DCAF6: variants seen among roughly 807,000 people sequenced by gnomAD.
DCAF6 encodes DDB1- and CUL4-associated factor 6.
Under a neutral mutation model 125.1 loss-of-function variants are expected in DCAF6, and 54 were observed. The ratio of observed to expected loss-of-function variants is 0.43; its 90% CI spans 0.35 to 0.54. The LOEUF is 0.54. DCAF6 is among the 20% of genes least tolerant of loss of function. The pLI is 0.01. For synonymous variants in DCAF6, 371 were observed against 390.4 expected (o/e 0.95, Z 0.58); for missense variants, 934 against 1,161.7 (o/e 0.80, Z 2.85).
chr1:167,890,873 T>A, the DCAF6 span, among the ~76,000 whole-genome samples: 30 of 152,316 alleles, frequency 2.0e-4, no homozygotes, highest in African/African-American at 6.7e-4. Flanking sequence ...TATGGAGAAG[T>A]AACACAGCTT....
chr1:167,939,816 T>C (rs1671957045), intron 1 of DCAF6, among the ~76,000 whole-genome samples: 1 of 152,210 alleles, frequency 6.6e-6, no homozygotes, highest in African/African-American at 2.4e-5. Context: ...GCCTTCCTTT[T>C]AAAAGTCAAA....
chr1:167,871,795 C>G, the DCAF6 span, among the ~76,000 whole-genome samples: 1 of 151,988 alleles, frequency 6.6e-6, no homozygotes, highest in African/African-American at 2.4e-5. Context: ...AACTACTTAG[C>G]AGACTGTATT....
chr1:167,866,939 A>G, the DCAF6 span, among the ~76,000 whole-genome samples: 4 of 152,186 alleles, frequency 2.6e-5, no homozygotes, highest in East Asian at 7.7e-4. Context: ...AGAAGCAGAT[A>G]AGCTAACTCT....
At chr1:167,896,475 GGT>G in the DCAF6 span, 3 of 826,168 alleles carry the variant, frequency 3.6e-6, no homozygotes, top group Non-Finnish European at 6.4e-6. Context: ...TTTGTGTGCT[GGT>G]AAGGACCAGG....
At chr1:168,039,909 T>G (rs1278174850) in intron 13 of DCAF6, among the ~76,000 whole-genome samples, 1 of 151,894 alleles carries the variant, frequency 6.6e-6, no homozygotes, top group Admixed American at 6.6e-5. Context: ...ATTGGATATC[T>G]TCTATGTTCC....
intron 5 of DCAF6, among the ~76,000 whole-genome samples, chr1:167,990,141 G>A (rs7531376): frequency 0.14 from 21,031 of 152,074 alleles, 1,929 homozygotes; most frequent in African/African-American, 0.26. Context: ...TTTAATAGCA[G>A]TGATTACAAT....
the DCAF6 span, among the ~76,000 whole-genome samples, chr1:167,912,950 C>T: frequency 6.6e-6 from 1 of 152,118 alleles, no homozygotes; most frequent in African/African-American, 2.4e-5. Flanking sequence ...CTTGAAAGTC[C>T]CTGTTGTTTC....
chr1:167,901,887 T>G, the DCAF6 span: 23 of 1,604,524 alleles, frequency 1.4e-5, no homozygotes, highest in Non-Finnish European at 2.0e-5. Context: ...AGAAACTTAC[T>G]CATCAAGCAT....
At chr1:167,912,783 C>T in the DCAF6 span, among the ~76,000 whole-genome samples, 2 of 152,208 alleles carry the variant, frequency 1.3e-5, no homozygotes, top group Non-Finnish European at 2.9e-5. Flanking sequence ...TGGTGTTCCT[C>T]CACTCATCGG....
At chr1:167,910,010 T>C in the DCAF6 span, among the ~76,000 whole-genome samples, 1 of 152,220 alleles carries the variant, frequency 6.6e-6, no homozygotes, top group Non-Finnish European at 1.5e-5. Context: ...CAATCTATTA[T>C]GACCCTTTCA....
At chr1:167,977,323 C>CT (rs904047083) in intron 4 of DCAF6, among the ~76,000 whole-genome samples, 25 of 134,960 alleles carry the variant, frequency 1.9e-4, no homozygotes, top group South Asian at 1.6e-3. Flanking sequence ...TGAAAAATGT[C>CT]TTTTTTTTTT....
intron 6 of DCAF6, 84 bp from the exon 7 acceptor site, chr1:167,993,140 CAT>C (rs1472061324): frequency 6.2e-6 from 7 of 1,130,996 alleles, no homozygotes; most frequent in Admixed American, 5.2e-5. Context: ...CATTAAGTCA[CAT>C]GTAATAATTC....
chr1:168,074,362 A>G (rs1693545739), intron 21 of DCAF6, among the ~76,000 whole-genome samples: 1 of 152,120 alleles, frequency 6.6e-6, no homozygotes, highest in South Asian at 2.1e-4. Context: ...CTATGTGGAA[A>G]TGTTTCTGGG....
intron 21 of DCAF6, among the ~76,000 whole-genome samples, chr1:168,074,564 C>T (rs1250537449): frequency 6.6e-6 from 1 of 152,140 alleles, no homozygotes; most frequent in African/African-American, 2.4e-5. Flanking sequence ...CCTCCAGGAA[C>T]TCTCAATCTG....
intron 7 of DCAF6, among the ~76,000 whole-genome samples, chr1:168,001,931 A>G (rs1402664951): frequency 6.6e-6 from 1 of 152,170 alleles, no homozygotes; most frequent in Non-Finnish European, 1.5e-5. Context: ...GTAGGAGGAA[A>G]AATTGTTAAG....
intron 6 of DCAF6, among the ~76,000 whole-genome samples, chr1:167,991,674 T>G (rs1680851696): frequency 6.6e-6 from 1 of 152,206 alleles, no homozygotes; most frequent in Non-Finnish European, 1.5e-5. Flanking sequence ...ATGATTGGTT[T>G]CTACTGGAAG....
intron 12 of DCAF6, among the ~76,000 whole-genome samples, chr1:168,036,725 T>C (rs1456564058): frequency 6.6e-6 from 1 of 152,208 alleles, no homozygotes; most frequent in Non-Finnish European, 1.5e-5. Flanking sequence ...AATTCAGTTA[T>C]TTATCAGAAT....
the DCAF6 span, chr1:167,880,198 C>T: frequency 6.2e-7 from 1 of 1,610,358 alleles, no homozygotes. Context: ...AGTTCTGGTG[C>T]AGGGGAGACA....
At chr1:167,883,829 A>T in the DCAF6 span, among the ~76,000 whole-genome samples, 19 of 152,162 alleles carry the variant, frequency 1.2e-4, no homozygotes, top group Non-Finnish European at 2.6e-4. Flanking sequence ...GGACTTATGC[A>T]TGTGCTAATT....
Sources: allele counts gnomAD v4.1 joint callset (sites outside exome capture counted in the v4.1 genomes callset), GRCh38; gene constraint gnomAD v4.1.1; transcripts MANE v1.5; gene names NCBI Gene and HGNC (gene_info 2026-07-23, HGNC 2026-07-21).